Variants in NTRK2 observed in about 807,000 individuals in gnomAD.
NTRK2 encodes BDNF/NT-3 growth factors receptor.
A neutral mutation model predicts 94.5 loss-of-function variants in NTRK2; 13 were observed. That is an observed-to-expected ratio of 0.14 (90% CI 0.09 to 0.22). The LOEUF (loss-of-function observed/expected upper bound fraction) is 0.22, where lower values mean the gene tolerates loss of function less well. NTRK2 is among the 10% of genes least tolerant of loss of function. NTRK2 has a pLI of 1.00. For missense variants in NTRK2, 639 were observed against 1,071.2 expected (o/e 0.60, Z 5.63); for synonymous variants, 372 against 407.4 (o/e 0.91, Z 1.05).
rs1412096268 is a variant in NTRK2 at position 84,895,822 on chromosome 9, T to G, written c.1633+28391T>G. Reference sequence around the variant, plus strand: ...GGGCTTGCTTGCTGCATGGAGGGGGTTTAGGGAATTATTACCTAGCAACGC... The same window carrying G: ...GGGCTTGCTTGCTGCATGGAGGGGGGTTAGGGAATTATTACCTAGCAACGC... On this transcript the variant is annotated intron_variant, in intron 14 of 18. Coordinates refer to ENST00000277120, the MANE Select transcript of NTRK2 (RefSeq NM_006180.6). Among the ~76,000 whole-genome samples, 5 of 152,134 alleles carry G rather than the reference T, an allele frequency of 3.3e-5. No individual in the cohort carries two copies. The East Asian group carries it at 9.7e-4, about 29-fold the overall frequency.
chr9:85,024,128 T>C lies in NTRK2; in HGVS notation c.*2691T>C. On this transcript the variant is annotated 3_prime_UTR_variant, in exon 19 of 19. Transcript: ENST00000277120. Reference sequence around the variant, plus strand: ...TATTTTTATTGCTGATTATTACTATTACTATCTCTGTTGTCTTAAGAGTAT... The same window carrying C: ...TATTTTTATTGCTGATTATTACTATCACTATCTCTGTTGTCTTAAGAGTAT... 4.3e-6 allele frequency: 1 copy of C among 231,234 alleles called. No homozygotes were observed. Among genetic ancestry groups the C allele is most frequent in the Non-Finnish European group, 8.6e-6 (1 of 116,824 alleles). The allele number at this position is 231,234 out of a possible 1,614,324, so 14.3% of individuals were successfully genotyped here.
At chr9:84,702,113 T>G in intron 2 of NTRK2, 46 bp from the exon 3 acceptor site, 1 of 1,560,560 alleles carries the variant, frequency 6.4e-7, no homozygotes, top group Non-Finnish European at 8.8e-7. Flanking sequence ...ATGGTGCTGC[T>G]GCCTACATTC....
chr9:84,725,705 C>A (rs1202536782), intron 8 of NTRK2, among the ~76,000 whole-genome samples: 1 of 149,600 alleles, frequency 6.7e-6, no homozygotes, highest in Non-Finnish European at 1.5e-5. Context: ...AGGGTCTCCC[C>A]AAATTATATT....
intron 4 of NTRK2, among the ~76,000 whole-genome samples, chr9:84,706,517 TTTTGTTTTTG>T (rs1399455254): frequency 3.7e-5 from 4 of 109,022 alleles, no homozygotes; most frequent in African/African-American, 1.5e-4. Context: ...GTGTGTTATT[TTTTGTTTTTG>T]TTTTTTTTTT....
At chr9:84,979,434 G>A (rs1281625674) in intron 17 of NTRK2, among the ~76,000 whole-genome samples, 1 of 152,224 alleles carries the variant, frequency 6.6e-6, no homozygotes, top group Admixed American at 6.5e-5. Flanking sequence ...GGAGCCTGGA[G>A]ATGTGACTGA....
chr9:84,812,723 ATTGT>A (rs1214150831), intron 12 of NTRK2: 1 of 1,041,208 alleles, frequency 9.6e-7, no homozygotes, highest in East Asian at 5.7e-5. Flanking sequence ...AAGGCTATGG[ATTGT>A]TTAAGAACTA....
chr9:84,888,605 C>T (rs1365486215), intron 14 of NTRK2, among the ~76,000 whole-genome samples: 1 of 82,422 alleles, frequency 1.2e-5, no homozygotes, highest in Non-Finnish European at 2.2e-5. Context: ...GAGCAACACT[C>T]CATCTCAAAA....
At chr9:84,905,471 G>A (rs1029178720) in intron 14 of NTRK2, among the ~76,000 whole-genome samples, 2 of 152,172 alleles carry the variant, frequency 1.3e-5, no homozygotes, top group African/African-American at 4.8e-5. Context: ...TTTCTTCCAA[G>A]CTATCTTACA....
intron 12 of NTRK2, among the ~76,000 whole-genome samples, chr9:84,823,388 C>T (rs999352672): frequency 6.6e-6 from 1 of 152,218 alleles, no homozygotes; most frequent in Non-Finnish European, 1.5e-5. Context: ...GGCATGAGGA[C>T]CAAGTCGGAG....
intron 2 of NTRK2, among the ~76,000 whole-genome samples, chr9:84,692,217 C>T (rs769697201): frequency 2.0e-5 from 3 of 151,946 alleles, no homozygotes; most frequent in South Asian, 2.1e-4. Flanking sequence ...TAATTAAATA[C>T]GTTGGAAGAA....
chr9:84,858,595 G>A (rs1365717365), intron 12 of NTRK2, among the ~76,000 whole-genome samples: 2 of 150,916 alleles, frequency 1.3e-5, no homozygotes, highest in African/African-American at 2.4e-5. Context: ...CCTCTTTCTC[G>A]AGCCGCCTCC....
chr9:84,814,309 T>G (rs1240178325), intron 12 of NTRK2: 2 of 1,065,200 alleles, frequency 1.9e-6, no homozygotes, highest in African/African-American at 3.3e-5. Flanking sequence ...TTCAGGGGTG[T>G]GTGGAGTAAA....
At position 85,022,021 on chromosome 9, in the gene NTRK2, TGTG is replaced by T. The variant is rs1832809740; in HGVS notation, c.*585_*587del. On this transcript the variant is annotated 3_prime_UTR_variant, in exon 19 of 19. Coordinates refer to ENST00000277120, the MANE Select transcript of NTRK2 (RefSeq NM_006180.6). ...TTATTGTTTTTGGATGGCTTAAGCC[TGTG>T]TATAAAAAAGAAAACTTGTGTTCAA... 4.3e-6 allele frequency: 1 copy of T among 234,764 alleles called. No individual in the cohort carries two copies. The highest frequency in any genetic ancestry group is 2.2e-5 in the African/African-American group (1 of 45,368). 14.5% of individuals were successfully genotyped at this position (234,764 alleles called of 1,614,324 possible). A position where few individuals can be genotyped will look rare whatever the true frequency, so the allele number is the denominator to read the frequency against.
intron 14 of NTRK2, chr9:84,871,909 T>C (rs897860743): frequency 1.9e-6 from 3 of 1,611,340 alleles, no homozygotes; most frequent in Admixed American, 1.7e-5. Context: ...TCTATGGTTA[T>C]CTGCAAATTC....
At position 85,024,194 on chromosome 9, in the gene NTRK2, A is replaced by C; in HGVS notation, c.*2757A>C. 1 of 232,258 alleles carries C rather than the reference A, an allele frequency of 4.3e-6. No individual in the cohort carries two copies. Among genetic ancestry groups the C allele is most frequent in the Non-Finnish European group, 8.5e-6 (1 of 117,496 alleles). 14.4% of individuals were successfully genotyped at this position (232,258 alleles called of 1,614,324 possible). ...ACATCTCAAATTGAAAGAATATCAG[A>C]TTGCTTTTAAAGTAGCTGAACGAGC... is the stretch of plus-strand genomic sequence containing the variant. On this transcript the variant is annotated 3_prime_UTR_variant, in exon 19 of 19. Transcript: ENST00000277120.
chr9:84,831,408 G>C (rs1374726186), intron 12 of NTRK2, among the ~76,000 whole-genome samples: 1 of 152,126 alleles, frequency 6.6e-6, no homozygotes. Flanking sequence ...ACCGAAGGGA[G>C]GGGGTCAGGG....
intron 12 of NTRK2, among the ~76,000 whole-genome samples, chr9:84,767,787 C>CA (rs1482424926): frequency 6.6e-6 from 1 of 152,180 alleles, no homozygotes. Flanking sequence ...TCTTTTCCCC[C>CA]AAATATCTGG....
chr9:84,916,441 A>G (rs2077395131), intron 14 of NTRK2, among the ~76,000 whole-genome samples: 1 of 152,230 alleles, frequency 6.6e-6, no homozygotes, highest in Non-Finnish European at 1.5e-5. Context: ...CTAGTTGATC[A>G]TGGTACTGTT....
intron 14 of NTRK2, among the ~76,000 whole-genome samples, chr9:84,926,106 T>TTTCCTTCCCTCC (rs2077760165): frequency 1.4e-4 from 15 of 108,846 alleles, no homozygotes; most frequent in Admixed American, 5.5e-4. Flanking sequence ...CCTTCCTTCC[T>TTTCCTTCCCTCC]TTCCTTCCTT....
Sources: gnomAD v4.1 joint callset for allele counts (sites outside exome capture counted in the v4.1 genomes callset) on GRCh38, gnomAD v4.1.1 for gene constraint, MANE v1.5 for transcripts, NCBI Gene and HGNC (gene_info 2026-07-23, HGNC 2026-07-21) for gene names.